Variants in FBXO17 observed in about 807,000 individuals in gnomAD.
FBXO17 encodes the protein F-box protein 17, also known as F-box only protein 17.
FBXO17 carries 43 observed loss-of-function variants against 34.1 expected under a neutral mutation model. The ratio of observed to expected loss-of-function variants is 1.26; its 90% CI spans 0.99 to 1.62. The LOEUF (loss-of-function observed/expected upper bound fraction) is 1.62, where lower values mean the gene tolerates loss of function less well. Among genes scored for constraint, FBXO17 ranks in the 40% most tolerant of loss-of-function variants. FBXO17 has a pLI of 0.00. For synonymous variants in FBXO17, 169 were observed against 166.0 expected, an observed-to-expected ratio of 1.02 and a Z score of -0.14; for missense variants, 424 against 386.7, an observed-to-expected ratio of 1.10 and a Z score of -0.81.
chr19:38,944,654 T>A, intron 5 of FBXO17: 1 of 308,958 alleles, frequency 3.2e-6, no homozygotes, highest in Non-Finnish European at 5.9e-6. Context: ...CCTCCCTGTC[T>A]GTGCCTCTGT....
At chr19:38,969,841 T>C (rs1245505871) in intron 1 of FBXO17, among the ~76,000 whole-genome samples, 1 of 151,904 alleles carries the variant, frequency 6.6e-6, no homozygotes, top group Non-Finnish European at 1.5e-5. Context: ...CAAGTGATCC[T>C]CCTGCCTTGG....
intron 1 of FBXO17, among the ~76,000 whole-genome samples, chr19:38,953,030 G>A (rs1423603254): frequency 1.3e-5 from 2 of 152,104 alleles, no homozygotes; most frequent in Non-Finnish European, 2.9e-5. Flanking sequence ...GACCTGGCAC[G>A]CTGGCTCATG....
At chr19:38,963,914 G>C (rs932889087) in intron 1 of FBXO17, among the ~76,000 whole-genome samples, 1 of 151,110 alleles carries the variant, frequency 6.6e-6, no homozygotes, top group Non-Finnish European at 1.5e-5. Context: ...CTCCCAAGTA[G>C]CTGGGATTAC....
chr19:38,958,363 G>A (rs1975197535), intron 1 of FBXO17, among the ~76,000 whole-genome samples: 1 of 136,636 alleles, frequency 7.3e-6, no homozygotes, highest in Non-Finnish European at 1.5e-5. Context: ...AGCTGAGATT[G>A]TGCCACTGCA....
Position 38,975,254 on chromosome 19 carries a change from GGTTTGCAGC to G in FBXO17, c.-18+323_-18+331del, listed in dbSNP as rs1269004227. ...CCCCGGGCTGTTGCGCCCACGTGTT[GGTTTGCAGC>G]GTTTGGCAGGGGTTTTGGATGGTGG... On this transcript the variant is annotated intron_variant, in intron 1 of 5. Coordinates refer to ENST00000292852, the MANE Select transcript of FBXO17 (RefSeq NM_024907.7). The surrounding 1 kb of genome is among the most constrained non-coding windows in gnomAD (Gnocchi z 4.9). Among the ~76,000 whole-genome samples the G allele has an allele frequency of 6.6e-6, 1 of 152,218 alleles. No individual in the cohort carries two copies. The highest frequency in any genetic ancestry group is 2.4e-5 in the African/African-American group (1 of 41,448).
Position 38,942,658 on chromosome 19 carries a change from C to A in FBXO17, c.787G>T (p.Gly263Cys). The change falls in exon 6 of 6, where the codon GGC (glycine) becomes TGC (cysteine). Residue 263 changes from glycine (G) to cysteine (C), a missense_variant. By Grantham distance (159) the Gly-to-Cys change is radical. Coordinates refer to ENST00000292852, the MANE Select transcript of FBXO17 (RefSeq NM_024907.7). ...RDVSSWVGHY[G>C]ALVTHSSVRV... is the part of the protein sequence containing the mutation. ...ACACTGGAGTGGGTCACAAGGGCGC[C>A]ATAGTGCCCCACCCAGGAACTCACG... The A allele has an allele frequency of 6.2e-7, 1 of 1,600,200 alleles. No homozygotes were observed. Among genetic ancestry groups the A allele is most frequent in the African/African-American group, 1.4e-5 (1 of 73,744 alleles).
chr19:38,944,090 G>A (rs1363166165), intron 5 of FBXO17, among the ~76,000 whole-genome samples: 1 of 152,086 alleles, frequency 6.6e-6, no homozygotes, highest in Admixed American at 6.6e-5. Context: ...GAATCATACA[G>A]TATTTGTCAT....
intron 5 of FBXO17, among the ~76,000 whole-genome samples, chr19:38,943,684 C>T (rs1459944520): frequency 1.3e-5 from 2 of 152,050 alleles, no homozygotes; most frequent in African/African-American, 2.4e-5. Flanking sequence ...CCACCTCCCC[C>T]GGTTCAATAA....
intron 2 of FBXO17, 22 bp from the exon 3 acceptor site, chr19:38,948,700 AC>A: frequency 1.2e-6 from 2 of 1,608,030 alleles, no homozygotes; most frequent in Non-Finnish European, 1.7e-6. Flanking sequence ...CAAGAGTTGA[AC>A]ATATGGTTCA....
chr19:38,952,924 T>C (rs1975108119), intron 1 of FBXO17: 2 of 441,680 alleles, frequency 4.5e-6, no homozygotes, highest in South Asian at 3.2e-5. Context: ...CTCCCATCCG[T>C]TGTCCCTTTC....
chr19:38,973,677 T>C (rs1045618016), intron 1 of FBXO17, among the ~76,000 whole-genome samples: 4 of 152,282 alleles, frequency 2.6e-5, no homozygotes, highest in African/African-American at 9.6e-5. Flanking sequence ...AAATGTTATT[T>C]TAAAAATATA....
chr19:38,954,943 ATTT>A (rs869029717), intron 1 of FBXO17, among the ~76,000 whole-genome samples: 3 of 109,730 alleles, frequency 2.7e-5, no homozygotes, highest in African/African-American at 7.0e-5. Context: ...TATTATTATT[ATTT>A]TTGAGACGGA....
intron 1 of FBXO17, among the ~76,000 whole-genome samples, chr19:38,954,601 CAG>C (rs1424900073): frequency 2.7e-3 from 246 of 90,256 alleles, no homozygotes; most frequent in South Asian, 0.022. Context: ...TTTTTTGAGA[CAG>C]AGTTTCACTC....
At chr19:38,961,113 A>G (rs934352545) in intron 1 of FBXO17, among the ~76,000 whole-genome samples, 1 of 151,650 alleles carries the variant, frequency 6.6e-6, no homozygotes, top group Non-Finnish European at 1.5e-5. Context: ...TGGCCCAGAT[A>G]ATATACTTTC....
chr19:38,950,360 G>A, intron 1 of FBXO17, 24 bp from the exon 2 acceptor site: 13 of 1,397,604 alleles, frequency 9.3e-6, no homozygotes, highest in Non-Finnish European at 1.1e-5. Flanking sequence ...GGGGTCGGTA[G>A]GCGGGTCAGC....
chr19:38,952,908 T>G, intron 1 of FBXO17: 1 of 451,674 alleles, frequency 2.2e-6, no homozygotes, highest in South Asian at 1.6e-5. Context: ...TCCAACCCAC[T>G]GTGATCTCCC....
At chr19:38,943,841 T>C (rs1344311848) in intron 5 of FBXO17, among the ~76,000 whole-genome samples, 1 of 152,212 alleles carries the variant, frequency 6.6e-6, no homozygotes, top group Non-Finnish European at 1.5e-5. Flanking sequence ...CTGTCCGCCT[T>C]GACCTCCCAA....
chr19:38,954,860 C>T (rs1227874530), intron 1 of FBXO17, among the ~76,000 whole-genome samples: 18 of 142,918 alleles, frequency 1.3e-4, no homozygotes, highest in African/African-American at 4.7e-4. Flanking sequence ...GATTAACAGG[C>T]GTGAGCCACT....
In FBXO17 at chr19:38,942,869, C is replaced by T. The variant is rs147717063; in HGVS notation, c.694-118G>A. 19 of 1,260,106 alleles carry T rather than the reference C, an allele frequency of 1.5e-5. No individual in the cohort carries two copies. In the East Asian group the frequency reaches 2.6e-4, roughly 17 times the overall value. The allele number at this position is 1,260,106 out of a possible 1,614,324, so 78.1% of individuals were successfully genotyped here. A position where few individuals can be genotyped will look rare whatever the true frequency, so the allele number is the denominator to read the frequency against. On this transcript the variant is annotated intron_variant, in intron 5 of 5. Coordinates refer to ENST00000292852, the MANE Select transcript of FBXO17 (RefSeq NM_024907.7). ...CAGTCCTGCGCTAGTTTGCTGGGGA[C>T]GGAGCAGTGAATAAAACCGGAAAAG...
Sources: gnomAD v4.1 joint callset for allele counts (sites outside exome capture counted in the v4.1 genomes callset) on GRCh38, gnomAD v4.1.1 for gene constraint, Gnocchi (gnomAD v3.1) non-coding constraint, MANE v1.5 for transcripts, NCBI Gene and HGNC (gene_info 2026-07-23, HGNC 2026-07-21) for gene names.